Variants in ATR observed in about 807,000 individuals in gnomAD.
ATR encodes the protein serine/threonine-protein kinase ATR.
ATR carries 142 observed loss-of-function variants against 305.3 expected under a neutral mutation model. The ratio of observed to expected loss-of-function variants is 0.47; its 90% CI spans 0.41 to 0.53. The LOEUF (loss-of-function observed/expected upper bound fraction) is 0.53. Ranked by LOEUF, ATR falls within the 20% of genes least tolerant of loss-of-function variation. The pLI is 0.00. For synonymous variants in ATR, 1,050 were observed against 1,068.1 expected (o/e 0.98, Z 0.33); for missense variants, 2,135 against 3,133.1 (o/e 0.68, Z 7.60).
At chr3:142,543,575 CTTTCTT>C (rs2034143823) in intron 16 of ATR, among the ~76,000 whole-genome samples, 1 of 151,160 alleles carries the variant, frequency 6.6e-6, no homozygotes, top group Non-Finnish European at 1.5e-5. Context: ...CTCCCTCCCT[CTTTCTT>C]TTTCTTTCTT....
intron 16 of ATR, among the ~76,000 whole-genome samples, chr3:142,544,683 A>G (rs958594348): frequency 6.6e-6 from 1 of 151,090 alleles, no homozygotes; most frequent in African/African-American, 2.4e-5. Context: ...TTTGAACTCC[A>G]TAAGAAAGTT....
chr3:142,578,336 G>C (rs2035507226), intron 1 of ATR, among the ~76,000 whole-genome samples: 1 of 152,184 alleles, frequency 6.6e-6, no homozygotes, highest in South Asian at 2.1e-4. Flanking sequence ...ACCAGAAAGC[G>C]ATCAGCAGGG....
intron 35 of ATR, among the ~76,000 whole-genome samples, chr3:142,488,113 G>C (rs2031060327): frequency 6.6e-6 from 1 of 152,114 alleles, no homozygotes; most frequent in African/African-American, 2.4e-5. Flanking sequence ...AGGGTGAGGG[G>C]GAGAGTGAGG....
At chr3:142,560,813 G>A (rs2034853254) in intron 5 of ATR, among the ~76,000 whole-genome samples, 1 of 152,160 alleles carries the variant, frequency 6.6e-6, no homozygotes, top group South Asian at 2.1e-4. Flanking sequence ...GCCCGCCTCG[G>A]CCTCCCAAAG....
chr3:142,513,630 A>G lies in ATR; in HGVS notation c.4512T>C (p.His1504=), dbSNP rs2032704914. 1 of 1,613,740 alleles carries G rather than the reference A, an allele frequency of 6.2e-7. No individual in the cohort carries two copies. Among genetic ancestry groups the G allele is most frequent in the Non-Finnish European group, 8.5e-7 (1 of 1,179,762 alleles). Residue 1504 remains histidine (H), a synonymous_variant, in exon 26 of 47, where the codon CAT becomes CAC. Transcript: ENST00000350721. ...AGGTGAAAATTTTACTGGCAAGATC[A>G]TGTCGAACCTGTAAATGCAAAATGT... ...WAGYLITKVR[H]DLASKIFTCC...
chr3:142,484,918 G>A (rs1385474258), intron 36 of ATR, among the ~76,000 whole-genome samples: 2 of 152,096 alleles, frequency 1.3e-5, no homozygotes, highest in Non-Finnish European at 2.9e-5. Context: ...GTTAGAGAGA[G>A]TTTCCAAAAC....
In ATR at chr3:142,452,185, T is replaced by C. The variant is rs9810315; in HGVS notation, c.7761+943A>G. 1.0e-4 allele frequency: 105 copies of C among 1,005,742 alleles called. No individual in the cohort carries two copies. The African/African-American group carries it at 1.6e-3, about 15-fold the overall frequency. The allele number at this position is 1,005,742 out of a possible 1,614,324, so 62.3% of individuals were successfully genotyped here. ...GGATGGGGGCGTACAGGTCTAGCCT[T>C]CCTCGAGCTATATCAGTAGGATGAA... On this transcript the variant is annotated intron_variant, in intron 46 of 46. Coordinates refer to ENST00000350721, the MANE Select transcript of ATR (RefSeq NM_001184.4).
At chr3:142,576,942 A>T (rs898209431) in intron 1 of ATR, among the ~76,000 whole-genome samples, 7 of 152,198 alleles carry the variant, frequency 4.6e-5, no homozygotes, top group Admixed American at 4.6e-4. Context: ...GTCAATTAAG[A>T]GGAAACATTT....
Position 142,493,271 on chromosome 3 carries a change from A to G in ATR, c.5939T>C (p.Val1980Ala). ...TTCATTTTCAGGAAAACATAATTCA[A>G]CACCTTTTTGAAGAACAATTAGTGC... ...HQALIVLQKG[V>A]ELCFPENETP... Residue 1980 changes from valine (V) to alanine (A), a missense_variant, in exon 35 of 47, where the codon GTT becomes GCT. Val to Ala is a moderately conservative substitution (Grantham distance 64). This residue lies in a region of ATR where 462 missense variants were observed against 887.6 expected (regional missense o/e 0.52). Coordinates refer to ENST00000350721, the MANE Select transcript of ATR (RefSeq NM_001184.4). The G allele has an allele frequency of 1.2e-6, 2 of 1,613,982 alleles. No individual in the cohort carries two copies. Among genetic ancestry groups the G allele is most frequent in the Non-Finnish European group, 1.7e-6 (2 of 1,179,956 alleles).
chr3:142,566,545 G>A (rs2035079101), intron 2 of ATR, among the ~76,000 whole-genome samples: 1 of 150,452 alleles, frequency 6.6e-6, no homozygotes, highest in Non-Finnish European at 1.5e-5. Flanking sequence ...ATTCCCTTGA[G>A]CCCAGAAGTT....
chr3:142,479,356 TGGCTG>T (rs2030232171), intron 36 of ATR, among the ~76,000 whole-genome samples: 1 of 152,170 alleles, frequency 6.6e-6, no homozygotes, highest in Admixed American at 6.5e-5. Context: ...AAGCTTAGTT[TGGCTG>T]GATATGAAAT....
intron 18 of ATR, among the ~76,000 whole-genome samples, chr3:142,539,330 A>G (rs967048386): frequency 6.6e-6 from 1 of 152,144 alleles, no homozygotes; most frequent in South Asian, 2.1e-4. Flanking sequence ...AGATAAGCCC[A>G]GGTCATCTTG....
At chr3:142,474,302 T>C (rs1351176411) in intron 36 of ATR, among the ~76,000 whole-genome samples, 1 of 152,168 alleles carries the variant, frequency 6.6e-6, no homozygotes, top group Admixed American at 6.5e-5. Context: ...AGAAACTACA[T>C]TGAATCTGTA....
chr3:142,480,685 G>A (rs915338132), intron 36 of ATR, among the ~76,000 whole-genome samples: 1 of 152,330 alleles, frequency 6.6e-6, no homozygotes, highest in Non-Finnish European at 1.5e-5. Flanking sequence ...GCCCCCAGAG[G>A]TGGAGTCTAC....
chr3:142,483,882 T>C (rs1299497971), intron 36 of ATR, among the ~76,000 whole-genome samples: 1 of 151,064 alleles, frequency 6.6e-6, no homozygotes, highest in African/African-American at 2.4e-5. Context: ...AAAATATATA[T>C]ATATATAACC....
intron 21 of ATR, among the ~76,000 whole-genome samples, chr3:142,525,989 T>G (rs1451647794): frequency 3.3e-5 from 5 of 152,204 alleles, no homozygotes; most frequent in African/African-American, 1.2e-4. Context: ...GCAAACAGAC[T>G]AAAACAGTGA....
chr3:142,528,594 C>T (rs770496476), intron 21 of ATR, among the ~76,000 whole-genome samples: 24 of 151,432 alleles, frequency 1.6e-4, no homozygotes, highest in Non-Finnish European at 3.1e-4. Context: ...ACTTTAGGTA[C>T]GTATCTTGCA....
At chr3:142,490,410 C>T (rs2031209852) in intron 35 of ATR, among the ~76,000 whole-genome samples, 1 of 152,194 alleles carries the variant, frequency 6.6e-6, no homozygotes, top group South Asian at 2.1e-4. Flanking sequence ...AATTTAGCTA[C>T]AAATCCTCTG....
intron 46 of ATR, chr3:142,451,300 C>T: frequency 8.1e-7 from 1 of 1,235,748 alleles, no homozygotes; most frequent in Non-Finnish European, 1.0e-6. Flanking sequence ...AGTGTGTGGG[C>T]AAGTTTGCCT....
Sources: allele counts gnomAD v4.1 joint callset (sites outside exome capture counted in the v4.1 genomes callset), GRCh38; gene constraint gnomAD v4.1.1; regional missense constraint gnomAD v4.1.1; transcripts MANE v1.5; gene names NCBI Gene and HGNC (gene_info 2026-07-23, HGNC 2026-07-21).